Variants in FAF1 observed in about 807,000 individuals in gnomAD.
FAF1 encodes the protein FAS-associated factor 1.
Under a neutral mutation model 92.5 loss-of-function variants are expected in FAF1, and 25 were observed. That is an observed-to-expected ratio of 0.27 (90% CI 0.20 to 0.38). The LOEUF is 0.38. Among genes scored for constraint, FAF1 ranks in the 10% least tolerant of loss-of-function variants. The pLI is 1.00. For synonymous variants in FAF1, 234 were observed against 273.2 expected, an observed-to-expected ratio of 0.86 and a Z score of 1.42; for missense variants, 636 against 793.3, an observed-to-expected ratio of 0.80 and a Z score of 2.38.
chr1:50,483,862 T>A (rs553974274), intron 17 of FAF1, among the ~76,000 whole-genome samples: 5 of 152,126 alleles, frequency 3.3e-5, no homozygotes, highest in Non-Finnish European at 7.4e-5. Flanking sequence ...AGATTTTCCA[T>A]TTACTGAGAT....
intron 8 of FAF1, among the ~76,000 whole-genome samples, chr1:50,653,439 C>A (rs181564343): frequency 6.6e-6 from 1 of 152,212 alleles, no homozygotes; most frequent in Non-Finnish European, 1.5e-5. Flanking sequence ...CAACCTCCCC[C>A]TCCCAGGTTC....
intron 17 of FAF1, among the ~76,000 whole-genome samples, chr1:50,480,687 C>T (rs988987554): frequency 6.6e-6 from 1 of 152,154 alleles, no homozygotes; most frequent in East Asian, 1.9e-4. Flanking sequence ...CTGTATAAAC[C>T]ATGGAGGTCT....
At chr1:50,946,796 T>C (rs1368607512) in intron 1 of FAF1, among the ~76,000 whole-genome samples, 2 of 152,212 alleles carry the variant, frequency 1.3e-5, no homozygotes, top group Non-Finnish European at 2.9e-5. Context: ...GACCAAGTGA[T>C]ACCTGCACAT....
chr1:50,547,838 CTAAGT>C (rs1440925583), intron 13 of FAF1, among the ~76,000 whole-genome samples: 1 of 152,140 alleles, frequency 6.6e-6, no homozygotes, highest in Non-Finnish European at 1.5e-5. Flanking sequence ...ACAATTTATC[CTAAGT>C]TTTTTGAGGA....
chr1:50,906,740 A>T (rs987527535), intron 1 of FAF1, among the ~76,000 whole-genome samples: 1 of 152,102 alleles, frequency 6.6e-6, no homozygotes, highest in Non-Finnish European at 1.5e-5. Context: ...GTATCCTGAG[A>T]CTTTGCTGAA....
chr1:50,588,572 G>A (rs1651353616), intron 9 of FAF1, among the ~76,000 whole-genome samples: 1 of 152,110 alleles, frequency 6.6e-6, no homozygotes, highest in Admixed American at 6.5e-5. Flanking sequence ...TGTGGCATGG[G>A]GTCTAAGGGC....
intron 4 of FAF1, among the ~76,000 whole-genome samples, chr1:50,765,527 G>GA (rs889763702): frequency 1.3e-5 from 2 of 151,726 alleles, no homozygotes; most frequent in African/African-American, 2.4e-5. Context: ...TCCATTCAGA[G>GA]AAAAAAAATG....
intron 15 of FAF1, among the ~76,000 whole-genome samples, chr1:50,535,077 CT>C (rs1428480840): frequency 6.6e-6 from 1 of 152,142 alleles, no homozygotes; most frequent in African/African-American, 2.4e-5. Flanking sequence ...ACTACAGTTT[CT>C]TCTATAAACA....
chr1:50,656,029 CTTA>C (rs1222768195), intron 7 of FAF1, among the ~76,000 whole-genome samples: 1 of 151,988 alleles, frequency 6.6e-6, no homozygotes, highest in African/African-American at 2.4e-5. Context: ...GATACAGAAA[CTTA>C]TTATTAAAGT....
At chr1:50,736,039 C>T (rs1261464045) in intron 6 of FAF1, among the ~76,000 whole-genome samples, 5 of 152,074 alleles carry the variant, frequency 3.3e-5, no homozygotes, top group Non-Finnish European at 7.4e-5. Flanking sequence ...TTTATATCTA[C>T]ATTATATTAA....
At chr1:50,471,881 G>A (rs1275346379) in intron 18 of FAF1, among the ~76,000 whole-genome samples, 1 of 152,072 alleles carries the variant, frequency 6.6e-6, no homozygotes, top group Non-Finnish European at 1.5e-5. Context: ...GAAGAGTTGT[G>A]GGATAAAGAA....
At chr1:50,460,080 T>C (rs922349666) in intron 18 of FAF1, among the ~76,000 whole-genome samples, 2 of 152,232 alleles carry the variant, frequency 1.3e-5, no homozygotes, top group African/African-American at 4.8e-5. Context: ...CCCAAATGTA[T>C]TGTGCATAAC....
intron 7 of FAF1, among the ~76,000 whole-genome samples, chr1:50,663,223 TAA>T (rs1655469406): frequency 6.6e-6 from 1 of 151,584 alleles, no homozygotes; most frequent in Non-Finnish European, 1.5e-5. Context: ...CAGTGGTTCT[TAA>T]AGAGGGTGGC....
chr1:50,713,773 C>CT (rs58832551), intron 6 of FAF1, among the ~76,000 whole-genome samples: 33,531 of 119,562 alleles, frequency 0.28, 5,962 homozygotes, highest in Middle Eastern at 0.46. Context: ...AATGTAAAAG[C>CT]TTTTTTTTTT....
chr1:50,451,906 C>T lies in FAF1; in HGVS notation c.1870-10383G>A. 9 of 1,085,806 alleles carry T rather than the reference C, an allele frequency of 8.3e-6. No individual in the cohort carries two copies. In the South Asian group the frequency reaches 2.4e-4, roughly 29 times the overall value. 67.3% of individuals were successfully genotyped at this position (1,085,806 alleles called of 1,614,324 possible). ...TAAGGTATTATAATGTTAAAATGGT[C>T]TCAAACTTGGCACACTGTCGGGGAC... On this transcript the variant is annotated intron_variant, in intron 18 of 18. Coordinates refer to ENST00000396153, the MANE Select transcript of FAF1 (RefSeq NM_007051.3).
chr1:50,872,251 G>A (rs1484035934), intron 1 of FAF1, among the ~76,000 whole-genome samples: 2 of 152,008 alleles, frequency 1.3e-5, no homozygotes, highest in Non-Finnish European at 2.9e-5. Context: ...AAGAGTTTGG[G>A]AGAAGTTGAT....
At chr1:50,906,488 A>G (rs548555225) in intron 1 of FAF1, among the ~76,000 whole-genome samples, 7 of 152,198 alleles carry the variant, frequency 4.6e-5, no homozygotes, top group Non-Finnish European at 8.8e-5. Flanking sequence ...CATTTTCACA[A>G]TGTTGATTCT....
chr1:50,918,203 T>A lies in FAF1; in HGVS notation c.45+41564A>T, dbSNP rs76910477. ...TTTTTTTTTTTTAATTTTTTTTTTT[T>A]AATTATACTCTAAGTTTTAGGGTAC... On this transcript the variant is annotated intron_variant, in intron 1 of 18. Transcript: ENST00000396153. 1.0e-3 allele frequency among the ~76,000 whole-genome samples: 153 copies of A among 150,070 alleles called. 2 individuals carry two copies. In the South Asian group the frequency reaches 0.025, roughly 24 times the overall value.
At chr1:50,760,827 T>C (rs1660295247) in intron 4 of FAF1, among the ~76,000 whole-genome samples, 1 of 151,646 alleles carries the variant, frequency 6.6e-6, no homozygotes, top group South Asian at 2.1e-4. Context: ...AGGCAAGAAA[T>C]AACTAAAATC....
Sources: gnomAD v4.1 joint callset for allele counts (sites outside exome capture counted in the v4.1 genomes callset) on GRCh38, gnomAD v4.1.1 for gene constraint, MANE v1.5 for transcripts, NCBI Gene and HGNC (gene_info 2026-07-23, HGNC 2026-07-21) for gene names.